The following PKIB variants were observed in gnomAD, a reference collection of about 807,000 sequenced individuals.
PKIB encodes the protein PKI-beta.
PKIB carries 2 observed loss-of-function variants against 4.5 expected under a neutral mutation model. The ratio of observed to expected loss-of-function variants is 0.44; its 90% CI spans 0.18 to 1.39. The LOEUF (loss-of-function observed/expected upper bound fraction) is 1.39, where lower values mean the gene tolerates loss of function less well. Ranked by LOEUF, PKIB falls within the 40% of genes most tolerant of loss-of-function variation. PKIB has a pLI of 0.27. For missense variants in PKIB, 94 were observed against 92.6 expected (o/e 1.02, Z -0.06); for synonymous variants, 38 against 36.0 (o/e 1.06, Z -0.20).
intron 2 of PKIB, among the ~76,000 whole-genome samples, chr6:122,583,754 T>A (rs1344793445): frequency 6.6e-6 from 1 of 152,188 alleles, no homozygotes; most frequent in Non-Finnish European, 1.5e-5. Context: ...TAGATTAGTT[T>A]ATTCATTTTC....
intron 1 of PKIB, among the ~76,000 whole-genome samples, chr6:122,627,364 T>A (rs894372600): frequency 3.9e-5 from 6 of 152,206 alleles, no homozygotes; most frequent in South Asian, 4.1e-4. Context: ...CTTGTTTAAA[T>A]GCATGAGTTC....
At chr6:122,530,966 C>T (rs1777237578) in intron 2 of PKIB, among the ~76,000 whole-genome samples, 1 of 152,158 alleles carries the variant, frequency 6.6e-6, no homozygotes, top group South Asian at 2.1e-4. Flanking sequence ...GATGTATCTA[C>T]TCAATTTGCC....
rs530348149 is a variant in PKIB, at chr6:122,540,355, T to C, written c.-247-45566T>C. On this transcript the variant is annotated intron_variant, in intron 2 of 6. Coordinates refer to the PKIB transcript ENST00000392491. ...TTCCCTCTACACACTGCTTTGAATGTGTCCCAGAGATTCTGGTATGTTGTG... is the reference window on the plus strand; with the variant it reads ...TTCCCTCTACACACTGCTTTGAATGCGTCCCAGAGATTCTGGTATGTTGTG... Among the ~76,000 whole-genome samples, 5 of 152,134 alleles carry C rather than the reference T, an allele frequency of 3.3e-5. No homozygotes were observed. In the South Asian group the frequency reaches 1.0e-3, roughly 32 times the overall value.
At chr6:122,578,854 C>T (rs1281013157) in intron 2 of PKIB, among the ~76,000 whole-genome samples, 2 of 152,124 alleles carry the variant, frequency 1.3e-5, no homozygotes, top group Non-Finnish European at 2.9e-5. Flanking sequence ...CTGTTGTTCT[C>T]ATGATAGTAA....
chr6:122,578,078 A>G (rs1773602225), intron 2 of PKIB, among the ~76,000 whole-genome samples: 1 of 152,070 alleles, frequency 6.6e-6, no homozygotes, highest in African/African-American at 2.4e-5. Flanking sequence ...TTAAAGAGAG[A>G]AACAATCTGA....
intron 3 of PKIB, among the ~76,000 whole-genome samples, chr6:122,602,962 A>G (rs1014890286): frequency 6.8e-6 from 1 of 147,842 alleles, no homozygotes; most frequent in East Asian, 1.9e-4. Context: ...TCTCAAAAAA[A>G]AAAAAAAAAA....
At chr6:122,506,490 C>A (rs1242818422) in intron 2 of PKIB, among the ~76,000 whole-genome samples, 1 of 152,068 alleles carries the variant, frequency 6.6e-6, no homozygotes, top group Non-Finnish European at 1.5e-5. Context: ...GCCAGCCATA[C>A]TAAAATTGGC....
intron 2 of PKIB, chr6:122,478,457 G>C (rs551322637): frequency 1.1e-4 from 16 of 152,234 alleles, no homozygotes; most frequent in Admixed American, 9.2e-4. Flanking sequence ...CCACTTCCCA[G>C]CAATACTCAT....
chr6:122,498,254 T>C (rs1438231786), intron 2 of PKIB, among the ~76,000 whole-genome samples: 2 of 152,220 alleles, frequency 1.3e-5, no homozygotes, highest in Non-Finnish European at 2.9e-5. Flanking sequence ...ACACCTCATA[T>C]GGTGGTGGAC....
At chr6:122,629,063 A>G (rs1775582280) in intron 1 of PKIB, among the ~76,000 whole-genome samples, 1 of 152,148 alleles carries the variant, frequency 6.6e-6, no homozygotes, top group Admixed American at 6.5e-5. Flanking sequence ...GCCATCAACC[A>G]CCAATAATCA....
intron 1 of PKIB, among the ~76,000 whole-genome samples, chr6:122,619,653 C>A (rs949877118): frequency 1.3e-5 from 2 of 152,224 alleles, no homozygotes; most frequent in African/African-American, 4.8e-5. Context: ...ATTTCTATAA[C>A]CCTTGTCATA....
intron 3 of PKIB, among the ~76,000 whole-genome samples, chr6:122,701,674 C>A (rs1167097297): frequency 6.6e-6 from 1 of 152,188 alleles, no homozygotes; most frequent in Non-Finnish European, 1.5e-5. Context: ...TTAATTTTAA[C>A]TGACTAGGTG....
intron 4 of PKIB, among the ~76,000 whole-genome samples, chr6:122,720,246 G>C (rs1359553363): frequency 6.6e-6 from 1 of 152,006 alleles, no homozygotes; most frequent in African/African-American, 2.4e-5. Context: ...CAAGTGTTTT[G>C]CATGCTGCAT....
chr6:122,502,683 G>T (rs1440584632), intron 2 of PKIB, among the ~76,000 whole-genome samples: 2 of 152,118 alleles, frequency 1.3e-5, no homozygotes, highest in Non-Finnish European at 2.9e-5. Flanking sequence ...ATGATGTTTG[G>T]TTGGGGACAA....
At chr6:122,473,879 T>A (rs2114502858) in intron 1 of PKIB, among the ~76,000 whole-genome samples, 1 of 152,360 alleles carries the variant, frequency 6.6e-6, no homozygotes, top group Non-Finnish European at 1.5e-5. Flanking sequence ...ACACCCATTA[T>A]CTTAGCACTT....
At chr6:122,682,519 A>G (rs1212162343) in intron 3 of PKIB, among the ~76,000 whole-genome samples, 1 of 152,122 alleles carries the variant, frequency 6.6e-6, no homozygotes, top group Non-Finnish European at 1.5e-5. Context: ...TTATCTAAAA[A>G]CTGTAGGTTT....
chr6:122,657,783 C>A (rs1390925027), intron 2 of PKIB, among the ~76,000 whole-genome samples: 1 of 152,228 alleles, frequency 6.6e-6, no homozygotes, highest in Non-Finnish European at 1.5e-5. Context: ...TGGCTTTCAG[C>A]CACATCTCAA....
At chr6:122,719,432 G>A (rs530648954) in intron 4 of PKIB, among the ~76,000 whole-genome samples, 32 of 152,020 alleles carry the variant, frequency 2.1e-4, no homozygotes, top group Non-Finnish European at 4.1e-4. Context: ...TACACAAAAG[G>A]GTGAAGGCAA....
chr6:122,569,641 G>A (rs1254255137), intron 2 of PKIB, among the ~76,000 whole-genome samples: 1 of 152,180 alleles, frequency 6.6e-6, no homozygotes. Context: ...TTGAAGACAG[G>A]TCACATCACT....
Sources: gnomAD v4.1 joint callset for allele counts (sites outside exome capture counted in the v4.1 genomes callset) on GRCh38, gnomAD v4.1.1 for gene constraint, MANE v1.5 for transcripts, NCBI Gene and HGNC (gene_info 2026-07-23, HGNC 2026-07-21) for gene names.